The following ZNF318 variants were observed in gnomAD, a reference collection of about 807,000 sequenced individuals.
The protein encoded by ZNF318 is zinc finger protein 318, also known as endocrine regulator.
ZNF318 carries 51 observed loss-of-function variants against 124.2 expected under a neutral mutation model. That is an observed-to-expected ratio of 0.41 (90% CI 0.33 to 0.52). ZNF318 has a LOEUF of 0.52. Ranked by LOEUF, ZNF318 falls within the 20% of genes least tolerant of loss-of-function variation. The pLI, the probability that ZNF318 is intolerant of heterozygous loss-of-function variation, is 0.23. For synonymous variants in ZNF318, 1,090 were observed against 1,040.7 expected (o/e 1.05, Z -0.91); for missense variants, 2,815 against 2,811.2 (o/e 1.00, Z -0.03).
Position 43,355,578 on chromosome 6 carries a change from T to C in ZNF318, c.1756A>G (p.Asn586Asp). 7.4e-6 allele frequency: 12 copies of C among 1,614,228 alleles called. No homozygotes were observed. The highest frequency in any genetic ancestry group is 1.0e-5 in the Non-Finnish European group (12 of 1,180,042). Residue 586 changes from asparagine (N) to aspartate (D), a missense_variant, in exon 4 of 10, where the codon AAT (asparagine) becomes GAT (aspartate). Around this residue, in one of 4 missense-constraint regions of ZNF318, gnomAD observed 1,377 missense variants for 1,353.5 expected, o/e 1.02. Coordinates refer to ENST00000361428, the MANE Select transcript of ZNF318 (RefSeq NM_014345.3). Reference protein sequence around the residue: ...AVKLESLEETNPEYAKIHDLL... With the variant: ...AVKLESLEETDPEYAKIHDLL... ...TCATGGATCTTCGCATATTCTGGAT[T>C]GGTCTCTTCTAGTGATTCTAGCTTT... is the stretch of plus-strand genomic sequence containing the variant.
chr6:43,354,410 A>T (rs1003745771), intron 4 of ZNF318, among the ~76,000 whole-genome samples: 2 of 152,210 alleles, frequency 1.3e-5, no homozygotes, highest in Admixed American at 1.3e-4. Flanking sequence ...GAAGACCATT[A>T]ACTTGGATAG....
intron 6 of ZNF318, among the ~76,000 whole-genome samples, chr6:43,346,405 T>C (rs941673476): frequency 2.7e-5 from 4 of 150,742 alleles, no homozygotes; most frequent in African/African-American, 7.3e-5. Flanking sequence ...TGCTTGAACC[T>C]GGGAGGCGGA....
In ZNF318 at chr6:43,340,047, T is replaced by C; in HGVS notation, c.3951A>G (p.Ala1317=). 2 of 1,614,228 alleles carry C rather than the reference T, an allele frequency of 1.2e-6. No individual in the cohort carries two copies. The highest frequency in any genetic ancestry group is 1.7e-6 in the Non-Finnish European group (2 of 1,180,046). Residue 1317 remains alanine (A), a synonymous_variant, in exon 10 of 10, where the codon GCA becomes GCG. Transcript: ENST00000361428. ...KEDGKTEAGK[A]KPIKIKLSGK... The stretch of plus-strand genomic sequence containing the variant: ...CAGAGAGCTTGATTTTGATAGGCTT[T>C]GCCTTCCCAGCTTCAGTTTTGCCAT...
chr6:43,363,818 GC>G, intron 2 of ZNF318: 1 of 911,114 alleles, frequency 1.1e-6, no homozygotes, highest in Non-Finnish European at 1.7e-6. Context: ...GACTACAATG[GC>G]CACGTCGGTC....
At position 43,357,575 on chromosome 6, in the gene ZNF318, ACAG is replaced by A. The variant is rs1445747819; in HGVS notation, c.736_738del (p.Leu247del). On this transcript the variant is annotated inframe_deletion, in exon 3 of 10. Transcript: ENST00000361428. ...TCTCGATTCCGTTCTGTTCCCCGCAACAGCTCATCATGACAACTGATATGGGGA... is the reference window on the plus strand; with the variant it reads ...TCTCGATTCCGTTCTGTTCCCCGCAACTCATCATGACAACTGATATGGGGA... 1.2e-6 allele frequency: 2 copies of A among 1,614,014 alleles called. No individual in the cohort carries two copies. Among genetic ancestry groups the A allele is most frequent in the African/African-American group, 2.7e-5 (2 of 74,904 alleles).
Position 43,337,519 on chromosome 6 carries a change from G to T in ZNF318, c.6479C>A (p.Ser2160Tyr). The change falls in exon 10 of 10, where the codon TCT becomes TAT. Residue 2160 changes from serine (S) to tyrosine (Y), a missense_variant. Physicochemically the swap from Ser to Tyr is moderately radical, Grantham distance 144. This residue lies in a region of ZNF318 where 927 missense variants were observed against 820.6 expected (regional missense o/e 1.13). Transcript: ENST00000361428. ...SLGLELKTIN[S>Y]AGLGPSPCLP... The stretch of plus-strand genomic sequence containing the variant: ...GCAAGGAGATGGCCCAAGGCCTGCA[G>T]AATTAATTGTTTTTAATTCCAATCC... The T allele has an allele frequency of 6.2e-7, 1 of 1,614,190 alleles. No individual in the cohort carries two copies. Among genetic ancestry groups the T allele is most frequent in the South Asian group, 1.1e-5 (1 of 91,084 alleles).
At chr6:43,352,123 G>C (rs1411056550) in intron 5 of ZNF318, among the ~76,000 whole-genome samples, 2 of 67,924 alleles carry the variant, frequency 2.9e-5, no homozygotes, top group South Asian at 4.5e-4. Context: ...CAGCCTGGGT[G>C]AAAGAGCAAA....
At chr6:43,345,362 A>C (rs1023831805) in intron 6 of ZNF318, among the ~76,000 whole-genome samples, 1 of 152,176 alleles carries the variant, frequency 6.6e-6, no homozygotes, top group African/African-American at 2.4e-5. Context: ...CCAACTATAC[A>C]TTTTAAAGAG....
rs113486749 is a variant in ZNF318 at position 43,336,930 on chromosome 6, G to GATAT, written c.*224_*227dup. 539 of 205,028 alleles carry GATAT rather than the reference G, an allele frequency of 2.6e-3. 2 individuals are homozygous for GATAT. The highest frequency in any genetic ancestry group is 1.0e-2 in the African/African-American group (421 of 42,150). The allele number at this position is 205,028 out of a possible 1,614,324, so 12.7% of individuals were successfully genotyped here. ...AAAATTAACAAAATACATTTTTACA[G>GATAT]ATATATATATATATATATAAGTTGT... On this transcript the variant is annotated 3_prime_UTR_variant, in exon 10 of 10. Transcript: ENST00000361428.
Position 43,342,767 on chromosome 6 carries a change from T to C in ZNF318, c.3185A>G (p.Asp1062Gly). ...DQPTAAYEYY[D>G]AGNHWCKDCN... ...GTCTTTGCACCAGTGATTGCCAGCA[T>C]CATAATACTCATAAGCAGCAGTGGG... The change falls in exon 7 of 10, where the codon GAT becomes GGT. Residue 1062 changes from aspartate (D) to glycine (G), a missense_variant. By Grantham distance (94) the Asp-to-Gly change is moderately conservative. Around this residue, in one of 4 missense-constraint regions of ZNF318, gnomAD observed 500 missense variants for 605.2 expected, o/e 0.83. Coordinates refer to ENST00000361428, the MANE Select transcript of ZNF318 (RefSeq NM_014345.3). 1 of 1,614,214 alleles carries C rather than the reference T, an allele frequency of 6.2e-7. No individual in the cohort carries two copies. The highest frequency in any genetic ancestry group is 8.5e-7 in the Non-Finnish European group (1 of 1,180,030).
chr6:43,353,226 CAA>C (rs944224564), intron 4 of ZNF318, among the ~76,000 whole-genome samples: 1 of 152,144 alleles, frequency 6.6e-6, no homozygotes, highest in African/African-American at 2.4e-5. Flanking sequence ...TTCCCTTTCC[CAA>C]AAGACTTCAG....
Position 43,338,363 on chromosome 6 carries a change from TGAGTA to T in ZNF318, c.5630_5634del (p.Leu1877Ter), listed in dbSNP as rs925542070. 5 of 1,614,222 alleles carry T rather than the reference TGAGTA, an allele frequency of 3.1e-6. No homozygotes were observed. Among genetic ancestry groups the T allele is most frequent in the Non-Finnish European group, 4.2e-6 (5 of 1,180,034 alleles). ...ATTTTCACAGGTGTATCTTGTGGGT[TGAGTA>T]AAGACCTAGCTTCTGATAAAAATGA... On this transcript the variant is annotated frameshift_variant, in exon 10 of 10. Coordinates refer to ENST00000361428, the MANE Select transcript of ZNF318 (RefSeq NM_014345.3). LOFTEE classifies it low-confidence loss of function (END_TRUNC).
chr6:43,348,648 A>G, intron 5 of ZNF318, 23 bp from the exon 6 acceptor site: 1 of 1,604,428 alleles, frequency 6.2e-7, no homozygotes, highest in Non-Finnish European at 8.5e-7. Flanking sequence ...ATGTCAACAA[A>G]AAGAAGCACA....
At chr6:43,347,238 T>C (rs921888460) in intron 6 of ZNF318, among the ~76,000 whole-genome samples, 1 of 152,134 alleles carries the variant, frequency 6.6e-6, no homozygotes, top group Non-Finnish European at 1.5e-5. Context: ...GTAATGAAAC[T>C]ACAGTCAGCA....
rs976601246 is a variant in ZNF318, at chr6:43,368,787, G to A, written c.399+180C>T. 4 of 985,150 alleles carry A rather than the reference G, an allele frequency of 4.1e-6. No individual in the cohort carries two copies. The African/African-American group carries it at 5.2e-5, about 13-fold the overall frequency. The allele number at this position is 985,150 out of a possible 1,614,324, so 61.0% of individuals were successfully genotyped here. On this transcript the variant is annotated intron_variant, in intron 1 of 9. Transcript: ENST00000361428. ...GAGACGCCCGTGCGCTCCCGAGTCC[G>A]TTATTGTGTCAACGCTCCCGGGTCT... is the stretch of plus-strand genomic sequence containing the variant.
Position 43,342,195 on chromosome 6 carries a change from T to C in ZNF318, c.3293A>G (p.Asn1098Ser), listed in dbSNP as rs1779380652. 2.5e-6 allele frequency: 4 copies of C among 1,612,990 alleles called. No homozygotes were observed. The African/African-American group carries it at 4.0e-5, about 16-fold the overall frequency. ...CTGGGTCTTTGAAGCCCAAGGTCTG[T>C]TGTAGGGATCCAGTGTCTATTTGTA... is the stretch of plus-strand genomic sequence containing the variant. ...KKHTQTLDPYNRPWASKTQSE... is the reference protein window; with the variant it reads ...KKHTQTLDPYSRPWASKTQSE... The change falls in exon 8 of 10, where the codon AAC (asparagine) becomes AGC (serine). Residue 1098 changes from asparagine (N) to serine (S), a missense_variant. Asn to Ser is a conservative substitution (Grantham distance 46). This residue lies in a region of ZNF318 where 500 missense variants were observed against 605.2 expected (regional missense o/e 0.83). Transcript: ENST00000361428.
intron 1 of ZNF318, among the ~76,000 whole-genome samples, chr6:43,367,693 G>A: frequency 6.6e-6 from 1 of 152,186 alleles, no homozygotes; most frequent in East Asian, 1.9e-4. Context: ...AAAGGAGGTT[G>A]TGTAAACAAG....
chr6:43,352,325 G>T, intron 5 of ZNF318, 52 bp downstream of exon 5: 1 of 1,255,432 alleles, frequency 8.0e-7, no homozygotes, highest in Non-Finnish European at 1.0e-6. Flanking sequence ...ACCAAATTTG[G>T]GTCTCCTACG....
At chr6:43,358,317 G>A (rs905823475) in intron 2 of ZNF318, among the ~76,000 whole-genome samples, 9 of 151,940 alleles carry the variant, frequency 5.9e-5, no homozygotes, top group South Asian at 2.1e-4. Flanking sequence ...ATGCAATCTC[G>A]GCTCACTGCA....
Sources: allele counts gnomAD v4.1 joint callset (sites outside exome capture counted in the v4.1 genomes callset), GRCh38; gene constraint gnomAD v4.1.1; regional missense constraint gnomAD v4.1.1; transcripts MANE v1.5; gene names NCBI Gene and HGNC (gene_info 2026-07-23, HGNC 2026-07-21).